Variants in KIF23 observed in about 807,000 individuals in gnomAD.
The protein encoded by KIF23 is kinesin-like protein KIF23.
Under a neutral mutation model 137.5 loss-of-function variants are expected in KIF23, and 30 were observed. That is an observed-to-expected ratio of 0.22 (90% CI 0.16 to 0.30). KIF23 has a LOEUF of 0.30. KIF23 is among the 10% of genes least tolerant of loss of function. The pLI, the probability that KIF23 is intolerant of heterozygous loss-of-function variation, is 1.00. For synonymous variants in KIF23, 367 were observed against 391.1 expected (o/e 0.94, Z 0.73); for missense variants, 920 against 1,194.3 (o/e 0.77, Z 3.38).
At chr15:69,433,247 A>G (rs920992434) in intron 11 of KIF23, among the ~76,000 whole-genome samples, 19 of 152,352 alleles carry the variant, frequency 1.2e-4, no homozygotes, top group Non-Finnish European at 2.5e-4. Context: ...GGTGTATCCA[A>G]GATCCTCCAA....
rs141750449 is a variant in KIF23, at chr15:69,448,222, A to C, written c.*415A>C. 162 of 153,894 alleles carry C rather than the reference A, an allele frequency of 1.1e-3. No individual in the cohort carries two copies. The highest frequency in any genetic ancestry group is 2.1e-3 in the South Asian group (10 of 4,854). The allele number at this position is 153,894 out of a possible 1,614,324, so 9.5% of individuals were successfully genotyped here. A position where few individuals can be genotyped will look rare whatever the true frequency, so the allele number is the denominator to read the frequency against. ...CTCCAGCCCTGGTCTGAATTTCTTAAGGTTTTATAAACAAATGCTGCTATT... is the reference window on the plus strand; with the variant it reads ...CTCCAGCCCTGGTCTGAATTTCTTACGGTTTTATAAACAAATGCTGCTATT... On this transcript the variant is annotated 3_prime_UTR_variant, in exon 24 of 24. Transcript: ENST00000679126.
intron 7 of KIF23, among the ~76,000 whole-genome samples, chr15:69,424,988 AAAG>A (rs2057153604): frequency 6.6e-6 from 1 of 152,238 alleles, no homozygotes; most frequent in Admixed American, 6.5e-5. Flanking sequence ...TAGTTATACA[AAAG>A]AAGATTGACA....
Position 69,436,692 on chromosome 15 carries a change from C to G in KIF23, c.1567C>G (p.Gln523Glu), listed in dbSNP as rs1854055462. The G allele has an allele frequency of 6.3e-7, 1 of 1,598,614 alleles. No homozygotes were observed. The highest frequency in any genetic ancestry group is 1.3e-5 in the African/African-American group (1 of 74,538). Residue 523 changes from glutamine to glutamate, a missense_variant, in exon 15 of 24, where the codon CAA becomes GAA. Transcript: ENST00000679126. ...EALEKRHNLRQMMIDEFNKQS... is the reference protein window; with the variant it reads ...EALEKRHNLREMMIDEFNKQS... Reference sequence around the variant, plus strand: ...CTTAGAGAAACGACATAACTTACGACAAATGATGATTGATGAGTTTAACAA... The same window carrying G: ...CTTAGAGAAACGACATAACTTACGAGAAATGATGATTGATGAGTTTAACAA...
At chr15:69,421,880 T>A in intron 4 of KIF23, 112 bp from the exon 5 acceptor site, 1 of 1,383,202 alleles carries the variant, frequency 7.2e-7, no homozygotes, top group East Asian at 2.3e-5. Flanking sequence ...AGGGTGGTGC[T>A]AAACTTGCCT....
intron 11 of KIF23, among the ~76,000 whole-genome samples, chr15:69,430,370 CAT>C (rs1351205963): frequency 5.9e-5 from 9 of 152,042 alleles, no homozygotes; most frequent in African/African-American, 2.2e-4. Context: ...TGTTAATAAA[CAT>C]GTATTGAGTA....
intron 1 of KIF23, 81 bp from the exon 2 acceptor site, chr15:69,415,913 A>T (rs1050263693): frequency 1.0e-6 from 1 of 976,196 alleles, no homozygotes; most frequent in Non-Finnish European, 1.5e-6. Context: ...ACCTAGAAAG[A>T]TTGTATAAGT....
chr15:69,433,252 C>T (rs1305149599), intron 11 of KIF23, among the ~76,000 whole-genome samples: 1 of 152,156 alleles, frequency 6.6e-6, no homozygotes, highest in Non-Finnish European at 1.5e-5. Flanking sequence ...ATCCAAGATC[C>T]TCCAAGGAGG....
rs757764466 is a variant in KIF23, at chr15:69,417,625, T to C, written c.210+114T>C. ...TGAGCCCACATTTTCAAAAGACTTATTTACTTCATTATAACCACTGTATCT... is the reference window on the plus strand; with the variant it reads ...TGAGCCCACATTTTCAAAAGACTTACTTACTTCATTATAACCACTGTATCT... On this transcript the variant is annotated intron_variant, in intron 3 of 23. Transcript: ENST00000679126. 357 of 1,148,132 alleles carry C rather than the reference T, an allele frequency of 3.1e-4. 1 individual carries two copies. The Middle Eastern group carries it at 6.1e-3, about 20-fold the overall frequency. The allele number at this position is 1,148,132 out of a possible 1,614,324, so 71.1% of individuals were successfully genotyped here.
chr15:69,433,921 A>T (rs1043846596), intron 11 of KIF23, among the ~76,000 whole-genome samples: 1 of 152,208 alleles, frequency 6.6e-6, no homozygotes, highest in Non-Finnish European at 1.5e-5. Flanking sequence ...GATTATGTAC[A>T]GCAGTGTTTT....
intron 1 of KIF23, among the ~76,000 whole-genome samples, chr15:69,415,548 G>C (rs1308539347): frequency 6.6e-6 from 1 of 152,156 alleles, no homozygotes; most frequent in Non-Finnish European, 1.5e-5. Flanking sequence ...GTAATGTTTT[G>C]AGCATTCAAT....
At chr15:69,427,684 T>C (rs577878070) in intron 10 of KIF23, among the ~76,000 whole-genome samples, 1 of 152,342 alleles carries the variant, frequency 6.6e-6, no homozygotes, top group East Asian at 1.9e-4. Context: ...TGTCAATTAG[T>C]AACAGCATTT....
rs1304360972 is a variant in KIF23, at chr15:69,446,095, A to G, written c.2756+4A>G. ...TAAAGCAAGAATCACCAAATGGGTAAGTAACCATCAAAAATCTCTGTATAA... is the reference window on the plus strand; with the variant it reads ...TAAAGCAAGAATCACCAAATGGGTAGGTAACCATCAAAAATCTCTGTATAA... On this transcript the variant is annotated splice_donor_region_variant and intron_variant, in intron 21 of 23. Coordinates refer to ENST00000679126, the MANE Select transcript of KIF23 (RefSeq NM_001367805.3). 1.2e-6 allele frequency: 2 copies of G among 1,609,590 alleles called. No homozygotes were observed. The highest frequency in any genetic ancestry group is 1.7e-6 in the Non-Finnish European group (2 of 1,175,918).
At position 69,440,371 on chromosome 15, in the gene KIF23, C is replaced by G; in HGVS notation, c.1993C>G (p.Leu665Val). 2 of 1,613,894 alleles carry G rather than the reference C, an allele frequency of 1.2e-6. No individual in the cohort carries two copies. The highest frequency in any genetic ancestry group is 1.7e-6 in the Non-Finnish European group (2 of 1,179,948). ...TAAACTCTGGGTTAAAGATGAAAAG[C>G]TGAAACAACTGAAGGCTATTGTTAC... ...QNKLWVKDEK[L>V]KQLKAIVTEP... Residue 665 changes from leucine to valine, a missense_variant, in exon 18 of 24, where the codon CTG becomes GTG. Leu to Val is a conservative substitution (Grantham distance 32, BLOSUM62 1). Around this residue, in one of 4 missense-constraint regions of KIF23, gnomAD observed 714 missense variants for 866.2 expected, o/e 0.82. Coordinates refer to ENST00000679126, the MANE Select transcript of KIF23 (RefSeq NM_001367805.3).
chr15:69,446,372 A>G lies in KIF23; in HGVS notation c.2838+8A>G, dbSNP rs1056018219. On this transcript the variant is annotated splice_region_variant and intron_variant, in intron 22 of 23. Coordinates refer to ENST00000679126, the MANE Select transcript of KIF23 (RefSeq NM_001367805.3). Reference sequence around the variant, plus strand: ...ACCGATGTAGAAACAAGGGTAGGGGAAAAATTAAATATTTGTCTGCCTACT... The same window carrying G: ...ACCGATGTAGAAACAAGGGTAGGGGGAAAATTAAATATTTGTCTGCCTACT... 1.2e-6 allele frequency: 2 copies of G among 1,609,496 alleles called. No homozygotes were observed. Among genetic ancestry groups the G allele is most frequent in the African/African-American group, 2.7e-5 (2 of 74,808 alleles).
At position 69,414,407 on chromosome 15, in the gene KIF23, G is replaced by T. The variant is rs1170566481; in HGVS notation, c.-59G>T. Reference sequence around the variant, plus strand: ...TTCTTGCTGCCGGTCCTAACGTCCCGCAGTCTTCGCCAGCCAGCCGTCCCG... The same window carrying T: ...TTCTTGCTGCCGGTCCTAACGTCCCTCAGTCTTCGCCAGCCAGCCGTCCCG... On this transcript the variant is annotated 5_prime_UTR_variant, in exon 1 of 24. Coordinates refer to ENST00000679126, the MANE Select transcript of KIF23 (RefSeq NM_001367805.3). The T allele has an allele frequency of 1.3e-6, 2 of 1,561,454 alleles. No individual in the cohort carries two copies. The highest frequency in any genetic ancestry group is 2.4e-5 in the East Asian group (1 of 41,878).
intron 11 of KIF23, among the ~76,000 whole-genome samples, chr15:69,434,232 G>T (rs1044303194): frequency 6.6e-6 from 1 of 152,090 alleles, no homozygotes; most frequent in Non-Finnish European, 1.5e-5. Context: ...AGAACATTTG[G>T]TTTGATAAAA....
At chr15:69,438,104 T>C in intron 15 of KIF23, 144 bp from the exon 16 acceptor site, 1 of 639,972 alleles carries the variant, frequency 1.6e-6, no homozygotes, top group Non-Finnish European at 2.5e-6. Context: ...CTGATTTCCC[T>C]CTAAACTTGT....
intron 19 of KIF23, among the ~76,000 whole-genome samples, chr15:69,442,952 G>A (rs1279166261): frequency 6.6e-6 from 1 of 152,206 alleles, no homozygotes; most frequent in Admixed American, 6.5e-5. Flanking sequence ...AATGCTAGTA[G>A]ATTGTATGGA....
rs746703588 is a variant in KIF23, at chr15:69,440,933, A to G, written c.2275A>G (p.Ile759Val). Residue 759 changes from isoleucine to valine, a missense_variant, in exon 19 of 24, where the codon ATT becomes GTT. Around this residue, in one of 4 missense-constraint regions of KIF23, gnomAD observed 714 missense variants for 866.2 expected, o/e 0.82. Coordinates refer to ENST00000679126, the MANE Select transcript of KIF23 (RefSeq NM_001367805.3). ...TYNTPLKVTS[I>V]ARRRQQEPGQ... ...CAACACACCTCTCAAAGTCACATCT[A>G]TTGCAAGGCGTAGGCAGCAGGAGCC... The G allele has an allele frequency of 2.5e-6, 4 of 1,614,200 alleles. No individual in the cohort carries two copies. The highest frequency in any genetic ancestry group is 2.2e-5 in the East Asian group (1 of 44,892).
Sources: allele counts gnomAD v4.1 joint callset (sites outside exome capture counted in the v4.1 genomes callset), GRCh38; gene constraint gnomAD v4.1.1; regional missense constraint gnomAD v4.1.1; transcripts MANE v1.5; gene names NCBI Gene and HGNC (gene_info 2026-07-23, HGNC 2026-07-21).